HHAT: variants seen among roughly 807,000 people sequenced by gnomAD.
The protein encoded by HHAT is protein-cysteine N-palmitoyltransferase HHAT.
A neutral mutation model predicts 70.8 loss-of-function variants in HHAT; 47 were observed. The observed-to-expected ratio is 0.66, with a 90% CI of 0.53 to 0.85. HHAT has a LOEUF of 0.85. Ranked by LOEUF, HHAT falls within the 40% of genes least tolerant of loss-of-function variation. The probability of loss-of-function intolerance (pLI) is 0.00; values close to 1 mark genes in which losing one functional copy is unlikely to be tolerated. For missense variants in HHAT, 609 were observed against 604.8 expected, an observed-to-expected ratio of 1.01 and a Z score of -0.07; for synonymous variants, 228 against 247.6, an observed-to-expected ratio of 0.92 and a Z score of 0.74.
Position 210,538,427 on chromosome 1 carries a change from CAT to C in HHAT, c.1043+25240_1043+25241del, listed in dbSNP as rs2095396411. Among the ~76,000 whole-genome samples the C allele has an allele frequency of 7.9e-5, 12 of 152,128 alleles. No homozygotes were observed. In the South Asian group the frequency reaches 2.5e-3, roughly 32 times the overall value. ...GAAAAATATTTTAAAACTTTAGTCT[CAT>C]GTGGCATATATGAAATAAGAGTAAT... On this transcript the variant is annotated intron_variant, in intron 9 of 11. Coordinates refer to ENST00000261458, the MANE Select transcript of HHAT (RefSeq NM_018194.6).
chr1:210,433,242 A>G (rs1427189266), intron 7 of HHAT, among the ~76,000 whole-genome samples: 1 of 151,796 alleles, frequency 6.6e-6, no homozygotes, highest in Non-Finnish European at 1.5e-5. Context: ...CAGCACTCAC[A>G]GCGCAGGTGC....
intron 10 of HHAT, among the ~76,000 whole-genome samples, chr1:210,600,306 T>C (rs1438651920): frequency 6.6e-6 from 1 of 152,178 alleles, no homozygotes; most frequent in Non-Finnish European, 1.5e-5. Context: ...ATTTTCTGAC[T>C]TCACTCACTG....
At chr1:210,590,451 G>A (rs1332454127) in intron 10 of HHAT, 1 of 141,592 alleles carries the variant, frequency 7.1e-6, no homozygotes, top group African/African-American at 2.6e-5. Flanking sequence ...TAGGGATGAC[G>A]GTAAAGAAAT....
intron 7 of HHAT, among the ~76,000 whole-genome samples, chr1:210,445,889 T>A (rs1438280719): frequency 2.0e-5 from 3 of 150,624 alleles, no homozygotes; most frequent in Admixed American, 6.6e-5. Flanking sequence ...TTTTTTTTTT[T>A]AATTCTGTAA....
intron 9 of HHAT, among the ~76,000 whole-genome samples, chr1:210,519,391 C>T (rs571686308): frequency 6.6e-6 from 1 of 152,234 alleles, no homozygotes; most frequent in Non-Finnish European, 1.5e-5. Flanking sequence ...CAGGATCATA[C>T]AGTAGTTTGG....
At chr1:210,356,573 T>C (rs1178818640) in intron 2 of HHAT, among the ~76,000 whole-genome samples, 1 of 152,242 alleles carries the variant, frequency 6.6e-6, no homozygotes, top group Non-Finnish European at 1.5e-5. Context: ...ACAGCTAGTA[T>C]AACGGAACAC....
At position 210,536,694 on chromosome 1, in the gene HHAT, A is replaced by G. The variant is rs149984876; in HGVS notation, c.1043+23506A>G. Among the ~76,000 whole-genome samples the G allele has an allele frequency of 4.5e-3, 683 of 152,354 alleles. 4 individuals carry two copies. Among genetic ancestry groups the G allele is most frequent in the African/African-American group, 0.016 (660 of 41,584 alleles). On this transcript the variant is annotated intron_variant, in intron 9 of 11. Transcript: ENST00000261458. ...GCTAATACAGGTGATCAGGGGCAGTAGCAAAGACACCCCTCAGATAATTCC... is the reference window on the plus strand; with the variant it reads ...GCTAATACAGGTGATCAGGGGCAGTGGCAAAGACACCCCTCAGATAATTCC...
intron 1 of HHAT, among the ~76,000 whole-genome samples, 197 bp from the exon 2 acceptor site, chr1:210,348,736 C>CGTGTGT (rs71303046): frequency 0.26 from 38,762 of 147,860 alleles, 5,152 homozygotes; most frequent in African/African-American, 0.29. Context: ...TGTATGTGTG[C>CGTGTGT]GTGTGTGTGT....
intron 4 of HHAT, among the ~76,000 whole-genome samples, chr1:210,390,360 A>G (rs2091375262): frequency 6.6e-6 from 1 of 152,220 alleles, no homozygotes; most frequent in Admixed American, 6.5e-5. Flanking sequence ...AAAGAGCATT[A>G]CTAGTGACAA....
At chr1:210,328,884 CGGGCGCGGA>C (rs1290078315), upstream of HHAT, 3 of 606,404 alleles carry the variant, frequency 4.9e-6, no homozygotes, top group African/African-American at 3.8e-5. Context: ...TTCCCGAGTC[CGGGCGCGGA>C]GGGCGCGCGG....
At chr1:210,644,764 A>G (rs1181030243) in intron 11 of HHAT, among the ~76,000 whole-genome samples, 2 of 152,112 alleles carry the variant, frequency 1.3e-5, no homozygotes, top group African/African-American at 4.8e-5. Flanking sequence ...TATAGTAAGG[A>G]GAGTTATTTA....
intron 4 of HHAT, among the ~76,000 whole-genome samples, chr1:210,399,546 A>G (rs2091964150): frequency 6.6e-6 from 1 of 152,152 alleles, no homozygotes; most frequent in African/African-American, 2.4e-5. Context: ...TTATATATGA[A>G]GAAATGAATC....
At chr1:210,355,475 TC>T (rs2087514289) in intron 2 of HHAT, among the ~76,000 whole-genome samples, 1 of 152,246 alleles carries the variant, frequency 6.6e-6, no homozygotes, top group African/African-American at 2.4e-5. Context: ...AAGTACCTAT[TC>T]CTTTTTTGAC....
intron 7 of HHAT, among the ~76,000 whole-genome samples, chr1:210,458,121 A>G (rs951452107): frequency 1.3e-5 from 2 of 152,214 alleles, no homozygotes; most frequent in Non-Finnish European, 2.9e-5. Flanking sequence ...AGAAGATGCC[A>G]TTGATTTTGG....
chr1:210,341,177 C>T (rs540852572), intron 1 of HHAT, among the ~76,000 whole-genome samples: 14 of 152,198 alleles, frequency 9.2e-5, no homozygotes, highest in South Asian at 4.2e-4. Context: ...GTAGAAGTGA[C>T]GATGGTGATG....
At chr1:210,575,857 T>G (rs1056884584) in intron 9 of HHAT, among the ~76,000 whole-genome samples, 6 of 152,166 alleles carry the variant, frequency 3.9e-5, no homozygotes, top group African/African-American at 1.4e-4. Context: ...AGTAACTCAT[T>G]ATAAGAAAAG....
At chr1:210,391,868 ATT>A (rs200754253) in intron 4 of HHAT, among the ~76,000 whole-genome samples, 1 of 151,890 alleles carries the variant, frequency 6.6e-6, no homozygotes, top group African/African-American at 2.4e-5. Context: ...GTGCTATGTG[ATT>A]TTTTTTTCCC....
chr1:210,660,281 G>A (rs1194726039), intron 11 of HHAT, among the ~76,000 whole-genome samples: 1 of 152,086 alleles, frequency 6.6e-6, no homozygotes, highest in African/African-American at 2.4e-5. Context: ...CAGACAAACA[G>A]AGAGCGAAAT....
intron 4 of HHAT, among the ~76,000 whole-genome samples, chr1:210,390,557 G>C (rs1253446596): frequency 6.6e-6 from 1 of 152,068 alleles, no homozygotes; most frequent in East Asian, 1.9e-4. Flanking sequence ...TGGTTACATG[G>C]ATAAATTCTT....
Sources: allele counts gnomAD v4.1 joint callset (sites outside exome capture counted in the v4.1 genomes callset), GRCh38; gene constraint gnomAD v4.1.1; transcripts MANE v1.5; gene names NCBI Gene and HGNC (gene_info 2026-07-23, HGNC 2026-07-21).